Variants in PCDHA7 observed in about 807,000 individuals in gnomAD.
The protein encoded by PCDHA7 is protocadherin alpha 7.
A neutral mutation model predicts 57.2 loss-of-function variants in PCDHA7; 37 were observed. The ratio of observed to expected loss-of-function variants is 0.65; its 90% CI spans 0.50 to 0.85. PCDHA7 has a LOEUF of 0.85. PCDHA7 is among the 40% of genes least tolerant of loss of function. The pLI, the probability that PCDHA7 is intolerant of heterozygous loss-of-function variation, is 0.00. For missense variants in PCDHA7, 1,188 were observed against 1,241.8 expected, an observed-to-expected ratio of 0.96 and a Z score of 0.65; for synonymous variants, 553 against 558.8, an observed-to-expected ratio of 0.99 and a Z score of 0.15.
chr5:140,869,243 G>A (rs1554162716), intron 1 of PCDHA7: 10 of 1,613,544 alleles, frequency 6.2e-6, no homozygotes, highest in African/African-American at 2.7e-5. Flanking sequence ...TTCGTGGGCC[G>A]CATCGCGCAG....
At position 140,863,376 on chromosome 5, in the gene PCDHA7, C is replaced by A. The variant is rs781824830; in HGVS notation, c.2355+26638C>A. The A allele has an allele frequency of 5.3e-6, 6 of 1,123,238 alleles. No individual in the cohort carries two copies. The Admixed American group carries it at 5.5e-5, about 10-fold the overall frequency. 69.6% of individuals were successfully genotyped at this position (1,123,238 alleles called of 1,614,324 possible). On this transcript the variant is annotated intron_variant, in intron 1 of 3. Transcript: ENST00000525929. ...CGCTGCGGTGCTTGGCGCAGCTCAC[C>A]GAGAGCTCGTGCATGCCGGGCAAGC... is the stretch of plus-strand genomic sequence containing the variant.
At chr5:140,877,276 G>T (rs1038142877) in intron 1 of PCDHA7, 4 of 1,613,744 alleles carry the variant, frequency 2.5e-6, no homozygotes, top group Admixed American at 1.7e-5. Flanking sequence ...CGCTGACTCC[G>T]GCTATAACGC....
chr5:140,960,120 C>A (rs2095527331), intron 1 of PCDHA7, among the ~76,000 whole-genome samples: 1 of 152,118 alleles, frequency 6.6e-6, no homozygotes, highest in African/African-American at 2.4e-5. Context: ...AATAGTATTC[C>A]TTATGAAATA....
chr5:140,901,611 T>C (rs1261733801), intron 1 of PCDHA7, among the ~76,000 whole-genome samples: 1 of 152,204 alleles, frequency 6.6e-6, no homozygotes, highest in Non-Finnish European at 1.5e-5. Flanking sequence ...ATCTCTATGG[T>C]ATAATTTGAA....
intron 3 of PCDHA7, among the ~76,000 whole-genome samples, chr5:140,987,098 C>A (rs2153859479): frequency 6.6e-6 from 1 of 151,952 alleles, no homozygotes; most frequent in Admixed American, 6.6e-5. Flanking sequence ...CCTGTAATCC[C>A]AGCTACTCGG....
Position 140,842,608 on chromosome 5 carries a change from C to G in PCDHA7, c.2355+5870C>G. On this transcript the variant is annotated intron_variant, in intron 1 of 3. Transcript: ENST00000525929. ...ATGAGTTGGTGGTAACCGCGCGGGACGGGGGCTCGCCTTCGCTGTGGGCCA... is the reference window on the plus strand; with the variant it reads ...ATGAGTTGGTGGTAACCGCGCGGGAGGGGGGCTCGCCTTCGCTGTGGGCCA... The G allele has an allele frequency of 1.9e-6, 3 of 1,557,216 alleles. No homozygotes were observed. The East Asian group carries it at 6.8e-5, about 35-fold the overall frequency.
At chr5:140,844,618 A>G (rs1230516172) in intron 1 of PCDHA7, among the ~76,000 whole-genome samples, 4 of 149,532 alleles carry the variant, frequency 2.7e-5, no homozygotes, top group African/African-American at 9.8e-5. Context: ...AAATGTTTTC[A>G]TCAGAAAAAC....
intron 1 of PCDHA7, among the ~76,000 whole-genome samples, chr5:140,977,672 A>G (rs1404527905): frequency 6.6e-6 from 1 of 152,202 alleles, no homozygotes; most frequent in East Asian, 1.9e-4. Flanking sequence ...TGCATGCCAA[A>G]TATCATGTAG....
At chr5:140,927,596 G>C in intron 1 of PCDHA7, 3 of 1,614,162 alleles carry the variant, frequency 1.9e-6, no homozygotes, top group Non-Finnish European at 2.5e-6. Flanking sequence ...GTATTTGAGC[G>C]CTCCGTATAC....
intron 1 of PCDHA7, among the ~76,000 whole-genome samples, chr5:140,937,150 G>A (rs2153631833): frequency 6.7e-6 from 1 of 149,812 alleles, no homozygotes; most frequent in East Asian, 2.0e-4. Context: ...CCATTCTCCT[G>A]CCTCAGCCTC....
At chr5:140,850,622 C>G in intron 1 of PCDHA7, 1 of 1,598,590 alleles carries the variant, frequency 6.3e-7, no homozygotes, top group Non-Finnish European at 8.6e-7. Flanking sequence ...CGGTGTCTAG[C>G]CTGTTGGTTC....
intron 1 of PCDHA7, chr5:140,861,317 C>T (rs1369177112): frequency 4.6e-6 from 1 of 217,818 alleles, no homozygotes; most frequent in Admixed American, 5.2e-5. Context: ...GGACCAGTTC[C>T]ACTACACCAT....
At chr5:141,006,579 T>C (rs1208750821) in intron 3 of PCDHA7, among the ~76,000 whole-genome samples, 1 of 151,702 alleles carries the variant, frequency 6.6e-6, no homozygotes, top group Non-Finnish European at 1.5e-5. Context: ...GTGTGGAGGG[T>C]TGGAGAGAAG....
chr5:140,849,989 G>T lies in PCDHA7; in HGVS notation c.2355+13251G>T, dbSNP rs150286933. On this transcript the variant is annotated intron_variant, in intron 1 of 3. Transcript: ENST00000525929. ...TGTCCTACTCGCTGGTGGAGCGGCG[G>T]TTGGGCGAGCGCTCGCTGTCGAGCT... The T allele has an allele frequency of 5.0e-4, 791 of 1,597,330 alleles. 42 individuals carry two copies. The African/African-American group carries it at 9.7e-3, about 20-fold the overall frequency.
intron 1 of PCDHA7, among the ~76,000 whole-genome samples, chr5:140,923,882 G>A (rs1261780966): frequency 6.6e-6 from 1 of 152,192 alleles, no homozygotes; most frequent in Non-Finnish European, 1.5e-5. Context: ...AGAAGCGTGT[G>A]AAAGAGGAGG....
chr5:141,010,923 A>T lies in PCDHA7; in HGVS notation c.*986A>T, dbSNP rs184389417. The T allele has an allele frequency of 4.0e-3, 619 of 153,912 alleles. 3 individuals are homozygous for T. Among genetic ancestry groups the T allele is most frequent in the Admixed American group, 6.2e-3 (95 of 15,302 alleles). The allele number at this position is 153,912 out of a possible 1,614,324, so 9.5% of individuals were successfully genotyped here. A position where few individuals can be genotyped will look rare whatever the true frequency, so the allele number is the denominator to read the frequency against. ...TCCCCTAAACTCTCCTCAAAAGAGA[A>T]TTCAGTCTACAGCCATTTAAATGAT... On this transcript the variant is annotated 3_prime_UTR_variant, in exon 4 of 4. Coordinates refer to ENST00000525929, the MANE Select transcript of PCDHA7 (RefSeq NM_018910.3).
At chr5:140,869,020 T>C in intron 1 of PCDHA7, 8 of 1,525,458 alleles carry the variant, frequency 5.2e-6, no homozygotes, top group Non-Finnish European at 7.0e-6. Flanking sequence ...TTCTTAAGAA[T>C]TCAACGAGAT....
intron 1 of PCDHA7, chr5:140,926,711 C>T: frequency 1.1e-6 from 1 of 925,094 alleles, no homozygotes; most frequent in Non-Finnish European, 1.5e-6. Context: ...AGCTGGCCAG[C>T]CCCGGCAATG....
At chr5:140,923,306 C>A (rs572766829) in intron 1 of PCDHA7, among the ~76,000 whole-genome samples, 1 of 152,216 alleles carries the variant, frequency 6.6e-6, no homozygotes, top group South Asian at 2.1e-4. Context: ...GGCGTGGGGG[C>A]GCTTGGCCTA....
Sources: allele counts gnomAD v4.1 joint callset (sites outside exome capture counted in the v4.1 genomes callset), GRCh38; gene constraint gnomAD v4.1.1; transcripts MANE v1.5; gene names NCBI Gene and HGNC (gene_info 2026-07-23, HGNC 2026-07-21).